GALNT2: variants seen among roughly 807,000 people sequenced by gnomAD.
The protein encoded by GALNT2 is UDP-GalNAc:polypeptide N-acetylgalactosaminyltransferase 2.
Under a neutral mutation model 81.4 loss-of-function variants are expected in GALNT2, and 31 were observed. The observed-to-expected ratio is 0.38, with a 90% CI of 0.29 to 0.51. The LOEUF (loss-of-function observed/expected upper bound fraction) is 0.51, where lower values mean the gene tolerates loss of function less well. Ranked by LOEUF, GALNT2 falls within the 20% of genes least tolerant of loss-of-function variation. The probability of loss-of-function intolerance (pLI) is 0.87; values close to 1 mark genes in which losing one functional copy is unlikely to be tolerated. For missense variants in GALNT2, 629 were observed against 765.7 expected, an observed-to-expected ratio of 0.82 and a Z score of 2.11; for synonymous variants, 303 against 287.4, an observed-to-expected ratio of 1.05 and a Z score of -0.55.
chr1:230,252,107 A>G (rs1262789517), intron 10 of GALNT2, among the ~76,000 whole-genome samples: 2 of 152,170 alleles, frequency 1.3e-5, no homozygotes, highest in Admixed American at 6.5e-5. Context: ...TTGGACTCCC[A>G]GTGAGGTTTG....
chr1:230,110,716 T>TTTTTTG (rs1553257214), intron 1 of GALNT2, among the ~76,000 whole-genome samples: 1 of 99,420 alleles, frequency 1.0e-5, no homozygotes, highest in Non-Finnish European at 2.1e-5. Flanking sequence ...GCTTTTCTGT[T>TTTTTTG]TTTTTTTTTT....
chr1:230,267,475 C>T (rs1440483129), intron 14 of GALNT2, among the ~76,000 whole-genome samples: 1 of 152,214 alleles, frequency 6.6e-6, no homozygotes, highest in African/African-American at 2.4e-5. Context: ...CATGCCATTC[C>T]CAGGCTCCCA....
intron 1 of GALNT2, among the ~76,000 whole-genome samples, chr1:230,081,630 CT>C (rs1659733110): frequency 6.6e-6 from 1 of 152,234 alleles, no homozygotes; most frequent in Non-Finnish European, 1.5e-5. Flanking sequence ...CAAAGCCCCC[CT>C]GTGAGGGCTG....
chr1:230,230,940 A>G (rs1478600383), intron 3 of GALNT2, among the ~76,000 whole-genome samples: 1 of 152,034 alleles, frequency 6.6e-6, no homozygotes, highest in Non-Finnish European at 1.5e-5. Context: ...GGCCTTGTAG[A>G]GGTTCTTGAA....
At chr1:230,207,666 G>A (rs1664104255) in intron 3 of GALNT2, among the ~76,000 whole-genome samples, 1 of 151,950 alleles carries the variant, frequency 6.6e-6, no homozygotes, top group Non-Finnish European at 1.5e-5. Flanking sequence ...TTGGCTCACT[G>A]TAGCCTTTCC....
intron 2 of GALNT2, among the ~76,000 whole-genome samples, chr1:230,196,549 C>T (rs752594251): frequency 1.9e-4 from 29 of 152,232 alleles, no homozygotes; most frequent in Non-Finnish European, 3.4e-4. Flanking sequence ...ACGGCAAGTG[C>T]GAGACGTCCC....
intron 1 of GALNT2, among the ~76,000 whole-genome samples, chr1:230,122,538 A>G (rs549032491): frequency 6.6e-6 from 1 of 152,182 alleles, no homozygotes; most frequent in South Asian, 2.1e-4. Flanking sequence ...TATCTTTTTG[A>G]CAAAATTTTC....
At chr1:230,263,363 C>T (rs1665935721) in intron 13 of GALNT2, 1 of 241,200 alleles carries the variant, frequency 4.1e-6, no homozygotes, top group Non-Finnish European at 8.2e-6. Context: ...CCAGCCTCCG[C>T]AAGCATGCAG....
At chr1:230,198,417 C>G (rs1026117267) in intron 2 of GALNT2, among the ~76,000 whole-genome samples, 1 of 135,804 alleles carries the variant, frequency 7.4e-6, no homozygotes, top group Non-Finnish European at 1.6e-5. Context: ...CAGGAGAGTA[C>G]GAGGAGTGGC....
chr1:230,265,129 G>T lies in GALNT2; in HGVS notation c.1314-112G>T, dbSNP rs918767855. Reference sequence around the variant, plus strand: ...GAAGAGGCACGATGCCTAGTCACTGGGTCTTTCTCTCGTTCCTGTCACCTG... The same window carrying T: ...GAAGAGGCACGATGCCTAGTCACTGTGTCTTTCTCTCGTTCCTGTCACCTG... On this transcript the variant is annotated intron_variant, in intron 13 of 15. Transcript: ENST00000366672. 2.1e-6 allele frequency: 3 copies of T among 1,409,144 alleles called. No homozygotes were observed. The African/African-American group carries it at 4.2e-5, about 20-fold the overall frequency. 87.3% of individuals were successfully genotyped at this position (1,409,144 alleles called of 1,614,324 possible).
chr1:230,205,245 C>T (rs1228384905), intron 3 of GALNT2, among the ~76,000 whole-genome samples: 1 of 152,218 alleles, frequency 6.6e-6, no homozygotes, highest in East Asian at 1.9e-4. Flanking sequence ...TGCCAGTTAA[C>T]TGCCAGGAGC....
chr1:230,124,096 G>C (rs887721915), intron 1 of GALNT2, among the ~76,000 whole-genome samples: 2 of 152,184 alleles, frequency 1.3e-5, no homozygotes, highest in Admixed American at 1.3e-4. Context: ...AACCAGTCAC[G>C]TGCCTGGCTC....
intron 1 of GALNT2, among the ~76,000 whole-genome samples, chr1:230,143,389 G>A (rs771340684): frequency 6.6e-5 from 10 of 152,220 alleles, no homozygotes; most frequent in Non-Finnish European, 1.5e-4. Context: ...GGAGACATTC[G>A]AGAGCAGAAG....
intron 3 of GALNT2, among the ~76,000 whole-genome samples, chr1:230,231,870 T>C (rs1428820126): frequency 6.6e-6 from 1 of 152,172 alleles, no homozygotes; most frequent in Non-Finnish European, 1.5e-5. Context: ...CGCCCACTCT[T>C]CTCAGAGTCA....
At chr1:230,078,167 G>A (rs183463521) in intron 1 of GALNT2, among the ~76,000 whole-genome samples, 39 of 152,274 alleles carry the variant, frequency 2.6e-4, no homozygotes, top group African/African-American at 9.4e-4. Context: ...CTTCATATCT[G>A]CGGGTTGCAC....
Position 230,280,489 on chromosome 1 carries a change from G to C in GALNT2, c.*1031G>C, listed in dbSNP as rs554240040. The C allele has an allele frequency of 6.2e-6, 1 of 160,896 alleles. No individual in the cohort carries two copies. Among genetic ancestry groups the C allele is most frequent in the Admixed American group, 5.7e-5 (1 of 17,400 alleles). 10.0% of individuals were successfully genotyped at this position (160,896 alleles called of 1,614,324 possible). A position where few individuals can be genotyped will look rare whatever the true frequency, so the allele number is the denominator to read the frequency against. ...TAGCTCTGTGTGAGCCAGCAATACC[G>C]CTGCCCCCTGGCGACAGGGCAGACC... On this transcript the variant is annotated 3_prime_UTR_variant, in exon 16 of 16. Transcript: ENST00000366672.
intron 2 of GALNT2, among the ~76,000 whole-genome samples, chr1:230,184,933 T>C (rs1256012320): frequency 1.3e-5 from 2 of 152,252 alleles, no homozygotes; most frequent in Non-Finnish European, 2.9e-5. Context: ...TTCATCTTTT[T>C]TGTCTTTGCA....
intron 1 of GALNT2, among the ~76,000 whole-genome samples, chr1:230,161,084 C>T (rs1662417673): frequency 6.6e-6 from 1 of 152,202 alleles, no homozygotes; most frequent in African/African-American, 2.4e-5. Flanking sequence ...CAAACTGTCC[C>T]AAGTGGAATG....
intron 8 of GALNT2, among the ~76,000 whole-genome samples, chr1:230,247,294 C>T (rs903584800): frequency 2.6e-5 from 4 of 152,316 alleles, no homozygotes; most frequent in African/African-American, 9.6e-5. Flanking sequence ...TAGGGAGACT[C>T]AGCCACGGTC....
Sources: allele counts gnomAD v4.1 joint callset (sites outside exome capture counted in the v4.1 genomes callset), GRCh38; gene constraint gnomAD v4.1.1; transcripts MANE v1.5; gene names NCBI Gene and HGNC (gene_info 2026-07-23, HGNC 2026-07-21).